The following SPATA20 variants were observed in gnomAD, a reference collection of about 807,000 sequenced individuals.
SPATA20 encodes spermatogenesis associated 20.
In SPATA20, 74 loss-of-function variants were observed where a neutral mutation model predicts 98.9. The observed-to-expected ratio is 0.75, with a 90% CI of 0.62 to 0.91. The LOEUF is 0.91. Among genes scored for constraint, SPATA20 ranks in the 40% least tolerant of loss-of-function variants. SPATA20 has a pLI of 0.00. For synonymous variants in SPATA20, 430 were observed against 440.5 expected (o/e 0.98, Z 0.30); for missense variants, 1,016 against 1,069.8 (o/e 0.95, Z 0.70).
At position 50,547,585 on chromosome 17, in the gene SPATA20, C is replaced by G. The variant is rs964083698; in HGVS notation, c.78-135C>G. ...CTTCCTTGCACCCCAGTGCTGGATG[C>G]TGGGTCAAGGGCCTTTCTCCAATAG... On this transcript the variant is annotated intron_variant, in intron 1 of 16. Coordinates refer to ENST00000006658, the MANE Select transcript of SPATA20 (RefSeq NM_022827.4). 3 of 721,512 alleles carry G rather than the reference C, an allele frequency of 4.2e-6. No individual in the cohort carries two copies. In the African/African-American group the frequency reaches 5.2e-5, roughly 12 times the overall value. The allele number at this position is 721,512 out of a possible 1,614,324, so 44.7% of individuals were successfully genotyped here.
At chr17:50,550,369 G>A in intron 9 of SPATA20, 57 bp downstream of exon 9, 1 of 1,438,886 alleles carries the variant, frequency 6.9e-7, no homozygotes, top group Non-Finnish European at 9.6e-7. Context: ...CCCCTCCCAA[G>A]GCCTTCCTGG....
At position 50,547,558 on chromosome 17, in the gene SPATA20, G is replaced by A. The variant is rs540171750; in HGVS notation, c.78-162G>A. The A allele has an allele frequency of 3.3e-4, 229 of 701,570 alleles. 4 individuals are homozygous for A. The highest frequency in any genetic ancestry group is 2.6e-3 in the South Asian group (174 of 66,038). 43.5% of individuals were successfully genotyped at this position (701,570 alleles called of 1,614,324 possible). A position where few individuals can be genotyped will look rare whatever the true frequency, so the allele number is the denominator to read the frequency against. On this transcript the variant is annotated intron_variant, in intron 1 of 16. Transcript: ENST00000006658. ...ACTGTTCTGACACTGCTTCCAGGAAGCCTTCCTTGCACCCCAGTGCTGGAT... is the reference window on the plus strand; with the variant it reads ...ACTGTTCTGACACTGCTTCCAGGAAACCTTCCTTGCACCCCAGTGCTGGAT...
intron 7 of SPATA20, 61 bp from the exon 8 acceptor site, chr17:50,549,924 A>C: frequency 4.5e-5 from 68 of 1,508,796 alleles, no homozygotes; most frequent in Middle Eastern, 1.8e-4. Flanking sequence ...CCTCCTGACC[A>C]CCCCGATCTC....
At chr17:50,547,870 AG>A (rs1200965474) in intron 2 of SPATA20, 103 bp downstream of exon 2, 5 of 1,132,522 alleles carry the variant, frequency 4.4e-6, no homozygotes, top group Non-Finnish European at 6.6e-6. Context: ...AGCCACCAAC[AG>A]TAGGCTGCCT....
In SPATA20 at chr17:50,551,091, G is replaced by T. The variant is rs146367642; in HGVS notation, c.1477G>T (p.Val493Leu). 1.2e-6 allele frequency: 2 copies of T among 1,613,060 alleles called. No homozygotes were observed. Among genetic ancestry groups the T allele is most frequent in the Non-Finnish European group, 1.7e-6 (2 of 1,179,992 alleles). Residue 493 changes from valine (V) to leucine (L), a missense_variant, in exon 12 of 17, where the codon GTG becomes TTG. Physicochemically the swap from Val to Leu is conservative, Grantham distance 32. Coordinates refer to ENST00000006658, the MANE Select transcript of SPATA20 (RefSeq NM_022827.4). ...CCGCTTTGGCTTGGATGTGGAGGCC[G>T]TGCGGACCTTGCTCAATTCAGGGCT... The part of the protein sequence containing the change: ...AARFGLDVEA[V>L]RTLLNSGLEK...
intron 12 of SPATA20, 38 bp downstream of exon 12, chr17:50,551,228 A>T (rs1428179741): frequency 1.9e-6 from 3 of 1,550,166 alleles, no homozygotes; most frequent in African/African-American, 2.7e-5. Context: ...TGTCTGTAGG[A>T]TCCCCCTTCA....
intron 2 of SPATA20, 117 bp from the exon 3 acceptor site, chr17:50,548,166 G>T: frequency 1.3e-6 from 2 of 1,494,166 alleles, no homozygotes; most frequent in Non-Finnish European, 1.8e-6. Context: ...AGAAAGGTGG[G>T]TTGGGCTGGG....
At position 50,550,093 on chromosome 17, in the gene SPATA20, G is replaced by A. The variant is rs141109672; in HGVS notation, c.971G>A (p.Gly324Asp). 149 of 1,612,348 alleles carry A rather than the reference G, an allele frequency of 9.2e-5. No individual in the cohort carries two copies. Among genetic ancestry groups the A allele is most frequent in the Non-Finnish European group, 1.2e-4 (142 of 1,179,256 alleles). Reference protein sequence around the residue: ...LHTLKMMANGGIRDHVGQGFH... With the variant: ...LHTLKMMANGDIRDHVGQGFH... ...ACCCTGAAAATGATGGCTAACGGGG[G>A]CATCCGGGACCATGTGGGGCAGGTG... The change falls in exon 8 of 17, where the codon GGC becomes GAC. Residue 324 changes from glycine to aspartate, a missense_variant. By Grantham distance (94) the Gly-to-Asp change is moderately conservative. Transcript: ENST00000006658.
intron 7 of SPATA20, among the ~76,000 whole-genome samples, 196 bp from the exon 8 acceptor site, chr17:50,549,789 G>T (rs1380190080): frequency 1.3e-5 from 2 of 152,202 alleles, no homozygotes; most frequent in Non-Finnish European, 2.9e-5. Flanking sequence ...GGTCCTCTGT[G>T]AACCAATGAT....
intron 15 of SPATA20, 133 bp downstream of exon 15, chr17:50,554,583 C>T: frequency 1.2e-6 from 1 of 868,580 alleles, no homozygotes; most frequent in Non-Finnish European, 1.9e-6. Flanking sequence ...AGGCACGTGG[C>T]CTGTCAGACA....
At chr17:50,554,205 A>G (rs1389492755) in intron 14 of SPATA20, 46 bp from the exon 15 acceptor site, 1 of 1,580,628 alleles carries the variant, frequency 6.3e-7, no homozygotes, top group Non-Finnish European at 8.7e-7. Context: ...CCTGGGACTC[A>G]GTGACCTGCC....
intron 14 of SPATA20, 104 bp downstream of exon 14, chr17:50,552,284 A>G: frequency 1.1e-6 from 1 of 908,686 alleles, no homozygotes; most frequent in Non-Finnish European, 1.7e-6. Flanking sequence ...TGTCTCTGCT[A>G]CTTATTAATG....
intron 3 of SPATA20, 34 bp from the exon 4 acceptor site, chr17:50,548,520 G>C (rs2030324176): frequency 6.2e-7 from 1 of 1,613,454 alleles, no homozygotes; most frequent in Non-Finnish European, 8.5e-7. Flanking sequence ...GACCCCCTGG[G>C]CTACTGAGTG....
In SPATA20 at chr17:50,550,451, G is replaced by A. The variant is rs1055411341; in HGVS notation, c.1099-85G>A. 4.6e-5 allele frequency: 67 copies of A among 1,445,264 alleles called. 1 individual carries two copies. The Admixed American group carries it at 7.2e-4, about 16-fold the overall frequency. The allele number at this position is 1,445,264 out of a possible 1,614,324, so 89.5% of individuals were successfully genotyped here. ...CCCACTACCCAGGCTTCCCTCCCCCGCCTGCCTCAGAGAATGTTGCCACCT... is the reference window on the plus strand; with the variant it reads ...CCCACTACCCAGGCTTCCCTCCCCCACCTGCCTCAGAGAATGTTGCCACCT... On this transcript the variant is annotated intron_variant, in intron 9 of 16. Transcript: ENST00000006658.
chr17:50,548,805 T>C lies in SPATA20; in HGVS notation c.362-5T>C, dbSNP rs755445085. The C allele has an allele frequency of 6.2e-7, 1 of 1,610,812 alleles. No homozygotes were observed. Among genetic ancestry groups the C allele is most frequent in the Non-Finnish European group, 8.5e-7 (1 of 1,178,364 alleles). The stretch of plus-strand genomic sequence containing the variant: ...CCCCTGACCTCTCCCCATGGCCCTG[T>C]TCAGTCGGGTACTCCACCTGCCACT... On this transcript the variant is annotated splice_polypyrimidine_tract_variant and splice_region_variant and intron_variant, in intron 4 of 16. Transcript: ENST00000006658.
chr17:50,548,669 GGATGGGGGAGGGT>G, intron 4 of SPATA20, 51 bp downstream of exon 4: 1 of 1,600,548 alleles, frequency 6.2e-7, no homozygotes, highest in Non-Finnish European at 8.5e-7. Flanking sequence ...GAGTGGCAGT[GGATGGGGGAGGGT>G]CCTCTCGGCC....
At position 50,549,689 on chromosome 17, in the gene SPATA20, A is replaced by G. The variant is rs146983139; in HGVS notation, c.862+202A>G. 4.0e-3 allele frequency among the ~76,000 whole-genome samples: 607 copies of G among 152,294 alleles called. 3 individuals carry two copies. Among genetic ancestry groups the G allele is most frequent in the Middle Eastern group, 0.027 (8 of 294 alleles). ...TGACCCTCTCACCTTAACCTAGATG[A>G]TGACCTTCTGTCCCCTGACTTGGTC... On this transcript the variant is annotated intron_variant, in intron 7 of 16. Coordinates refer to ENST00000006658, the MANE Select transcript of SPATA20 (RefSeq NM_022827.4).
rs1213797239 is a variant in SPATA20, at chr17:50,551,767, C to T, written c.1745+88C>T. On this transcript the variant is annotated intron_variant, in intron 13 of 16. Coordinates refer to ENST00000006658, the MANE Select transcript of SPATA20 (RefSeq NM_022827.4). ...CTACTTCTCCCCTCCATGTGGACTC[C>T]AGTCCTGGCTCTGCCAGGTGCTTGC... 4.2e-6 allele frequency: 6 copies of T among 1,423,728 alleles called. No homozygotes were observed. The African/African-American group carries it at 7.1e-5, about 17-fold the overall frequency. The allele number at this position is 1,423,728 out of a possible 1,614,324, so 88.2% of individuals were successfully genotyped here. A position where few individuals can be genotyped will look rare whatever the true frequency, so the allele number is the denominator to read the frequency against.
chr17:50,549,484 C>G lies in SPATA20; in HGVS notation c.859C>G (p.Pro287Ala), dbSNP rs535876174. Residue 287 changes from proline to alanine, a missense_variant, in exon 7 of 17, where the codon CCG becomes GCG. By Grantham distance (27) the Pro-to-Ala change is conservative. Transcript: ENST00000006658. Reference protein sequence around the residue: ...GFAEAPKFPTPVILSFLFSYW... With the variant: ...GFAEAPKFPTAVILSFLFSYW... ...CGCTGAGGCCCCCAAGTTTCCCACGCCGGGTCAGTGCCCCACGCCCGCCTT... is the reference window on the plus strand; with the variant it reads ...CGCTGAGGCCCCCAAGTTTCCCACGGCGGGTCAGTGCCCCACGCCCGCCTT... 5.6e-6 allele frequency: 9 copies of G among 1,611,250 alleles called. No individual in the cohort carries two copies. In the South Asian group the frequency reaches 7.7e-5, roughly 14 times the overall value.
Sources: gnomAD v4.1 joint callset for allele counts (sites outside exome capture counted in the v4.1 genomes callset) on GRCh38, gnomAD v4.1.1 for gene constraint, MANE v1.5 for transcripts, NCBI Gene and HGNC (gene_info 2026-07-23, HGNC 2026-07-21) for gene names.